ENOX1: variants seen among roughly 807,000 people sequenced by gnomAD.
ENOX1 encodes ecto-NOX disulfide-thiol exchanger 1, also known as candidate growth-related and time keeping constitutive hydroquinone (NADH) oxidase.
In ENOX1, 42 loss-of-function variants were observed where a neutral mutation model predicts 82.5. That is an observed-to-expected ratio of 0.51 (90% CI 0.40 to 0.66). The LOEUF (loss-of-function observed/expected upper bound fraction) is 0.66. Among genes scored for constraint, ENOX1 ranks in the 30% least tolerant of loss-of-function variants. The pLI is 0.00. For missense variants in ENOX1, 608 were observed against 811.6 expected (o/e 0.75, Z 3.05); for synonymous variants, 271 against 282.2 (o/e 0.96, Z 0.40).
At chr13:43,450,449 C>T (rs145038463) in intron 3 of ENOX1, among the ~76,000 whole-genome samples, 11 of 152,174 alleles carry the variant, frequency 7.2e-5, no homozygotes, top group African/African-American at 2.6e-4. Flanking sequence ...TGTCACAGTT[C>T]CAAGAAGAGC....
intron 2 of ENOX1, among the ~76,000 whole-genome samples, chr13:43,616,187 T>TAGATAG (rs1309689878): frequency 0.015 from 166 of 11,274 alleles, 16 homozygotes; most frequent in African/African-American, 0.017. Context: ...TCTATCTATC[T>TAGATAG]ATATATATAT....
chr13:43,692,974 A>G (rs994656405), intron 1 of ENOX1, among the ~76,000 whole-genome samples: 1 of 152,146 alleles, frequency 6.6e-6, no homozygotes, highest in African/African-American at 2.4e-5. Flanking sequence ...AGTATCATGT[A>G]CCATCAAAAT....
intron 9 of ENOX1, among the ~76,000 whole-genome samples, chr13:43,336,943 C>T (rs184161526): frequency 8.5e-4 from 129 of 152,320 alleles, no homozygotes; most frequent in African/African-American, 3.0e-3. Context: ...TAAGATGAGG[C>T]TGATGCCATT....
chr13:43,766,640 G>C (rs1168703579), intron 1 of ENOX1, among the ~76,000 whole-genome samples: 1 of 152,124 alleles, frequency 6.6e-6, no homozygotes, highest in Non-Finnish European at 1.5e-5. Context: ...ATTATTTTAA[G>C]GTGACAAATA....
At chr13:43,583,734 T>C (rs923248168) in intron 2 of ENOX1, among the ~76,000 whole-genome samples, 6 of 152,308 alleles carry the variant, frequency 3.9e-5, no homozygotes, top group East Asian at 1.9e-4. Flanking sequence ...AGGTCTTCTA[T>C]TGTCATCAAG....
chr13:43,719,064 T>C (rs2088365611), intron 1 of ENOX1, among the ~76,000 whole-genome samples: 1 of 152,144 alleles, frequency 6.6e-6, no homozygotes, highest in South Asian at 2.1e-4. Context: ...ATTTATCCCC[T>C]GAAGGCTCAG....
At chr13:43,785,027 TTCCGAAA>T (rs1952488459) in intron 1 of ENOX1, among the ~76,000 whole-genome samples, 1 of 152,224 alleles carries the variant, frequency 6.6e-6, no homozygotes, top group South Asian at 2.1e-4. Flanking sequence ...CCTCACAATA[TTCCGAAA>T]GCACTTTAAC....
intron 1 of ENOX1, among the ~76,000 whole-genome samples, chr13:43,678,745 C>T (rs2085638035): frequency 6.9e-6 from 1 of 144,752 alleles, no homozygotes; most frequent in African/African-American, 2.4e-5. Context: ...AAGTCACACA[C>T]TCGATACACT....
In ENOX1 at chr13:43,284,607, TATG is replaced by T. The variant is rs995080776; in HGVS notation, c.1446+13736_1446+13738del. ...TAAGAGAACAAAAGGAAGAAGAAAA[TATG>T]ATAATTTATTTTTATCTCTTTGAAA... On this transcript the variant is annotated intron_variant, in intron 12 of 16. Coordinates refer to ENST00000690772, the MANE Select transcript of ENOX1 (RefSeq NM_001347969.2). Among the ~76,000 whole-genome samples the T allele has an allele frequency of 2.0e-4, 30 of 152,186 alleles. 1 individual carries two copies. The highest frequency in any genetic ancestry group is 7.2e-4 in the African/African-American group (30 of 41,522).
At chr13:43,682,224 G>GTAGC (rs1298673084) in intron 1 of ENOX1, among the ~76,000 whole-genome samples, 1 of 152,054 alleles carries the variant, frequency 6.6e-6, no homozygotes, top group Non-Finnish European at 1.5e-5. Flanking sequence ...AGTATTCAAG[G>GTAGC]TAGCTATCTT....
intron 3 of ENOX1, among the ~76,000 whole-genome samples, chr13:43,425,940 C>A (rs1165030679): frequency 6.6e-6 from 1 of 152,090 alleles, no homozygotes; most frequent in South Asian, 2.1e-4. Context: ...ATTTCAAAAG[C>A]AAAATGATTT....
At chr13:43,387,166 G>T (rs2052466017) in intron 5 of ENOX1, among the ~76,000 whole-genome samples, 1 of 152,184 alleles carries the variant, frequency 6.6e-6, no homozygotes, top group South Asian at 2.1e-4. Flanking sequence ...TCCCAGTGAG[G>T]ATTGATAGAC....
intron 1 of ENOX1, among the ~76,000 whole-genome samples, chr13:43,742,533 T>C (rs1594650283): frequency 6.6e-6 from 1 of 152,318 alleles, no homozygotes. Context: ...CCCACTCACA[T>C]TGGTGAGAGC....
At chr13:43,661,936 A>T (rs1219281001) in intron 2 of ENOX1, among the ~76,000 whole-genome samples, 1 of 152,198 alleles carries the variant, frequency 6.6e-6, no homozygotes, top group Non-Finnish European at 1.5e-5. Flanking sequence ...AATGTAAAAA[A>T]ATCCAGTTAA....
intron 5 of ENOX1, among the ~76,000 whole-genome samples, chr13:43,383,276 T>C (rs773428424): frequency 1.3e-5 from 2 of 152,128 alleles, no homozygotes; most frequent in Non-Finnish European, 2.9e-5. Flanking sequence ...TCCACAGAAA[T>C]TCTTCTCCCA....
Position 43,412,001 on chromosome 13 carries a change from G to A in ENOX1, c.123C>T (p.Ser41=), listed in dbSNP as rs372756168. ...IAIDTTQLNM[S]VTDPTAWATA... ...TAGCCCAGGCTGTGGGATCTGTCAC[G>A]GACATGTTGAGCTGGGTCGTGTCTA... Residue 41 remains serine (S), a synonymous_variant, in exon 5 of 17, where the codon TCC becomes TCT. Transcript: ENST00000690772. 3.4e-5 allele frequency: 55 copies of A among 1,614,042 alleles called. No homozygotes were observed. The highest frequency in any genetic ancestry group is 7.7e-5 in the South Asian group (7 of 91,084).
intron 8 of ENOX1, among the ~76,000 whole-genome samples, chr13:43,351,018 GA>G (rs1454496643): frequency 3.3e-5 from 5 of 152,318 alleles, no homozygotes; most frequent in Non-Finnish European, 5.9e-5. Context: ...CACACACAAG[GA>G]AAGGTATGTC....
chr13:43,675,400 A>G (rs1011639020), intron 1 of ENOX1, among the ~76,000 whole-genome samples: 15 of 152,182 alleles, frequency 9.9e-5, no homozygotes, highest in Non-Finnish European at 7.3e-5. Context: ...CATGGTACAG[A>G]TCTCTGGAAG....
chr13:43,643,501 T>G (rs1178294903), intron 2 of ENOX1, among the ~76,000 whole-genome samples: 1 of 152,118 alleles, frequency 6.6e-6, no homozygotes, highest in Admixed American at 6.6e-5. Flanking sequence ...TTTTAAAAGT[T>G]TAGGCATATG....
Sources: gnomAD v4.1 joint callset for allele counts (sites outside exome capture counted in the v4.1 genomes callset) on GRCh38, gnomAD v4.1.1 for gene constraint, MANE v1.5 for transcripts, NCBI Gene and HGNC (gene_info 2026-07-23, HGNC 2026-07-21) for gene names.